The following ANXA9 variants were observed in gnomAD, a reference collection of about 807,000 sequenced individuals.
ANXA9 encodes the protein annexin A9.
ANXA9 carries 47 observed loss-of-function variants against 51.8 expected under a neutral mutation model. That is an observed-to-expected ratio of 0.91 (90% CI 0.72 to 1.16). The LOEUF (loss-of-function observed/expected upper bound fraction) is 1.16, where lower values mean the gene tolerates loss of function less well. Ranked by LOEUF, ANXA9 falls within the 50% of genes most tolerant of loss-of-function variation. The pLI is 0.00. For missense variants in ANXA9, 361 were observed against 424.7 expected (o/e 0.85, Z 1.32); for synonymous variants, 154 against 168.7 (o/e 0.91, Z 0.68).
upstream of ANXA9, among the ~76,000 whole-genome samples, chr1:150,981,668 G>GT (rs960861787): frequency 5.3e-5 from 8 of 152,318 alleles, no homozygotes; most frequent in Non-Finnish European, 1.2e-4. Flanking sequence ...CCCTCTGAAG[G>GT]TAACACCCTT....
At chr1:150,990,880 C>T (rs963424330) in intron 12 of ANXA9, among the ~76,000 whole-genome samples, 1 of 151,902 alleles carries the variant, frequency 6.6e-6, no homozygotes, top group African/African-American at 2.4e-5. Flanking sequence ...CGCGGTGGCT[C>T]ATGCCTGTAA....
At chr1:150,978,631 TC>T (rs1475494892), upstream of ANXA9, among the ~76,000 whole-genome samples, 1 of 151,966 alleles carries the variant, frequency 6.6e-6, no homozygotes, top group East Asian at 1.9e-4. Flanking sequence ...CTCCATGGCC[TC>T]GGGAAGTCAC....
chr1:150,983,290 G>A (rs1671459044), intron 3 of ANXA9, 48 bp from the exon 4 acceptor site: 3 of 1,605,410 alleles, frequency 1.9e-6, no homozygotes, highest in African/African-American at 2.7e-5. Flanking sequence ...CTGAGGAGGT[G>A]TAGGCAGCCT....
At chr1:150,992,625 C>T (rs770665466) in intron 12 of ANXA9, among the ~76,000 whole-genome samples, 23 of 151,976 alleles carry the variant, frequency 1.5e-4, no homozygotes, top group Admixed American at 3.3e-4. Context: ...GCCTGGCCAA[C>T]ATGGTAAAAC....
Position 150,988,329 on chromosome 1 carries a change from T to C in ANXA9, c.840T>C (p.His280=). The change falls in exon 12 of 14, where the codon CAT becomes CAC. Residue 280 remains histidine (H), a synonymous_variant. Transcript: ENST00000368947. ...CGCTGTACTTTGCTGACAAACTTCA[T>C]CAAGCCCTCCAGGTGAGAGGGGCAC... is the stretch of plus-strand genomic sequence containing the variant. ...NTPLYFADKL[H]QALQETEPNY... 2.5e-6 allele frequency: 4 copies of C among 1,614,102 alleles called. No individual in the cohort carries two copies. The highest frequency in any genetic ancestry group is 3.4e-6 in the Non-Finnish European group (4 of 1,180,024).
chr1:150,991,865 C>G (rs1051867389), intron 12 of ANXA9, among the ~76,000 whole-genome samples: 2 of 151,860 alleles, frequency 1.3e-5, no homozygotes, highest in Non-Finnish European at 2.9e-5. Context: ...CTCCTGGGTT[C>G]CAGCAATTCT....
rs766058592 is a variant in ANXA9 at position 150,986,622 on chromosome 1, T to A, written c.573T>A (p.Ser191=). ...CCTAGGGGGGCCGTGACAGCTACTC[T>A]GGAATCATTGACTATAATCTGGCAG... The part of the protein sequence containing the change: ...ALAKGGRDSY[S]GIIDYNLAEQ... The change falls in exon 9 of 14, where the codon TCT becomes TCA. Residue 191 remains serine, a synonymous_variant. Coordinates refer to ENST00000368947, the MANE Select transcript of ANXA9 (RefSeq NM_003568.3). The A allele has an allele frequency of 6.2e-7, 1 of 1,603,926 alleles. No homozygotes were observed. The highest frequency in any genetic ancestry group is 8.5e-7 in the Non-Finnish European group (1 of 1,177,266).
At chr1:150,993,573 A>C (rs754897632) in intron 12 of ANXA9, among the ~76,000 whole-genome samples, 47 of 147,450 alleles carry the variant, frequency 3.2e-4, no homozygotes, top group Non-Finnish European at 5.4e-4. Flanking sequence ...GCCTCCCAAA[A>C]TTCTGGGATT....
chr1:150,987,025 T>C (rs1671576367), intron 9 of ANXA9, among the ~76,000 whole-genome samples: 1 of 152,138 alleles, frequency 6.6e-6, no homozygotes, highest in African/African-American at 2.4e-5. Context: ...CTCTTAGCCC[T>C]ATTTCTTTCT....
chr1:150,986,499 A>G lies in ANXA9; in HGVS notation c.552+84A>G, dbSNP rs587662261. 15 of 1,580,156 alleles carry G rather than the reference A, an allele frequency of 9.5e-6. No homozygotes were observed. In the African/African-American group the frequency reaches 1.5e-4, roughly 16 times the overall value. Reference sequence around the variant, plus strand: ...GGAGCAGGGAGCATTGCTGTCCTGTAATGGACAAGAGAGGGCTTTAGGGGA... The same window carrying G: ...GGAGCAGGGAGCATTGCTGTCCTGTGATGGACAAGAGAGGGCTTTAGGGGA... On this transcript the variant is annotated intron_variant, in intron 8 of 13. Coordinates refer to ENST00000368947, the MANE Select transcript of ANXA9 (RefSeq NM_003568.3).
At chr1:150,993,077 T>C (rs2102806297) in intron 12 of ANXA9, among the ~76,000 whole-genome samples, 1 of 152,298 alleles carries the variant, frequency 6.6e-6, no homozygotes, top group East Asian at 1.9e-4. Flanking sequence ...TCTATTGGGA[T>C]GCCCTAAGTA....
In ANXA9 at chr1:150,995,597, C is replaced by T. The variant is rs1210919750; in HGVS notation, c.*275C>T. On this transcript the variant is annotated 3_prime_UTR_variant, in exon 14 of 14. Coordinates refer to ENST00000368947, the MANE Select transcript of ANXA9 (RefSeq NM_003568.3). ...CTCACTCATCCCTCCTGTACCCTGGCCAGAACATCTCACTGATACTCGAAT... is the reference window on the plus strand; with the variant it reads ...CTCACTCATCCCTCCTGTACCCTGGTCAGAACATCTCACTGATACTCGAAT... 1.4e-5 allele frequency: 5 copies of T among 350,116 alleles called. No individual in the cohort carries two copies. The highest frequency in any genetic ancestry group is 1.0e-5 in the Non-Finnish European group (2 of 193,434). 21.7% of individuals were successfully genotyped at this position (350,116 alleles called of 1,614,324 possible).
At chr1:150,979,516 C>G (rs1357311474), upstream of ANXA9, among the ~76,000 whole-genome samples, 1 of 152,124 alleles carries the variant, frequency 6.6e-6, no homozygotes, top group East Asian at 1.9e-4. Context: ...GAGGCTCTTC[C>G]CCTGATGCTA....
chr1:150,982,944 C>T, intron 2 of ANXA9, 146 bp from the exon 3 acceptor site: 4 of 617,468 alleles, frequency 6.5e-6, no homozygotes, highest in Non-Finnish European at 1.1e-5. Flanking sequence ...ATTTCTGGCT[C>T]CAAGCCTAAG....
upstream of ANXA9, among the ~76,000 whole-genome samples, chr1:150,978,772 T>C: frequency 6.6e-6 from 1 of 152,080 alleles, no homozygotes. Flanking sequence ...AAGACCAGCC[T>C]GGCCAACATG....
rs745583629 is a variant in ANXA9 at position 150,987,868 on chromosome 1, C to T, written c.613-4C>T. The T allele has an allele frequency of 1.9e-6, 3 of 1,613,660 alleles. No homozygotes were observed. In the Admixed American group the frequency reaches 5.0e-5, roughly 27 times the overall value. On this transcript the variant is annotated splice_polypyrimidine_tract_variant and splice_region_variant and intron_variant, in intron 9 of 13. Coordinates refer to ENST00000368947, the MANE Select transcript of ANXA9 (RefSeq NM_003568.3). ...CTCCTCCCTGACTCATTCCTCCCTC[C>T]TAGGCACTGCAGCGGGCAGAAGGAC... is the stretch of plus-strand genomic sequence containing the variant.
In ANXA9 at chr1:150,995,249, C is replaced by T; in HGVS notation, c.976-11C>T. 6.2e-7 allele frequency: 1 copy of T among 1,608,582 alleles called. No homozygotes were observed. Among genetic ancestry groups the T allele is most frequent in the South Asian group, 1.1e-5 (1 of 90,164 alleles). On this transcript the variant is annotated splice_polypyrimidine_tract_variant and intron_variant, in intron 13 of 13. Transcript: ENST00000368947. ...GTGGATCTTTCTAACACTGAATTCC[C>T]TTGTCTGCAGGATGCAGTGAAAGGG...
At chr1:150,986,708 T>C (rs1302860331) in intron 9 of ANXA9, 47 bp downstream of exon 9, 2 of 1,523,776 alleles carry the variant, frequency 1.3e-6, no homozygotes, top group Non-Finnish European at 8.8e-7. Flanking sequence ...GCACATAAGA[T>C]GCCTTCCTCC....
chr1:150,993,492 A>G (rs1009749747), intron 12 of ANXA9, among the ~76,000 whole-genome samples: 1 of 151,530 alleles, frequency 6.6e-6, no homozygotes, highest in Non-Finnish European at 1.5e-5. Context: ...TAGTTTTAAT[A>G]GAGACGGGGG....
Sources: allele counts gnomAD v4.1 joint callset (sites outside exome capture counted in the v4.1 genomes callset), GRCh38; gene constraint gnomAD v4.1.1; transcripts MANE v1.5; gene names NCBI Gene and HGNC (gene_info 2026-07-23, HGNC 2026-07-21).